Variants in BCAS3 observed in about 807,000 individuals in gnomAD.
BCAS3 encodes the protein BCAS4/BCAS3 fusion.
A neutral mutation model predicts 116.1 loss-of-function variants in BCAS3; 53 were observed. That is an observed-to-expected ratio of 0.46 (90% CI 0.37 to 0.57). The LOEUF is 0.57. Ranked by LOEUF, BCAS3 falls within the 20% of genes least tolerant of loss-of-function variation. The probability of loss-of-function intolerance (pLI) is 0.00; values close to 1 mark genes in which losing one functional copy is unlikely to be tolerated. For missense variants in BCAS3, 917 were observed against 1,165.4 expected, an observed-to-expected ratio of 0.79 and a Z score of 3.10; for synonymous variants, 391 against 408.2, an observed-to-expected ratio of 0.96 and a Z score of 0.51.
At chr17:60,876,369 TAC>T (rs2055606260) in intron 9 of BCAS3, among the ~76,000 whole-genome samples, 1 of 152,070 alleles carries the variant, frequency 6.6e-6, no homozygotes, top group Non-Finnish European at 1.5e-5. Context: ...TTTTCACTAA[TAC>T]CCCTTCTCTT....
intron 19 of BCAS3, chr17:61,069,852 A>G: frequency 3.4e-6 from 3 of 872,362 alleles, no homozygotes; most frequent in Non-Finnish European, 5.6e-6. Context: ...AAAAAAAAAA[A>G]AAAGACCCTT....
At chr17:61,280,413 C>T (rs1336422868) in intron 22 of BCAS3, among the ~76,000 whole-genome samples, 1 of 152,154 alleles carries the variant, frequency 6.6e-6, no homozygotes, top group Non-Finnish European at 1.5e-5. Context: ...CTGAGTCCAA[C>T]TTGGGGAGGT....
intron 22 of BCAS3, among the ~76,000 whole-genome samples, chr17:61,277,283 A>AAAGG: frequency 6.8e-6 from 1 of 147,306 alleles, no homozygotes; most frequent in Non-Finnish European, 1.5e-5. Flanking sequence ...AAAAAAAAAA[A>AAAGG]GGTGGTGATG....
intron 13 of BCAS3, among the ~76,000 whole-genome samples, chr17:60,932,742 CAAAAAAAAA>C (rs1167994825): frequency 1.3e-4 from 5 of 38,204 alleles, no homozygotes; most frequent in Admixed American, 3.7e-4. Flanking sequence ...ACTCTTGTCT[CAAAAAAAAA>C]AAAAAAAAAA....
At chr17:61,237,043 T>C (rs2083117145) in intron 22 of BCAS3, among the ~76,000 whole-genome samples, 1 of 152,218 alleles carries the variant, frequency 6.6e-6, no homozygotes, top group Non-Finnish European at 1.5e-5. Context: ...AAGTTATCTT[T>C]TTTACATAGC....
chr17:61,301,093 G>A (rs1464598830), intron 22 of BCAS3, among the ~76,000 whole-genome samples: 4 of 152,204 alleles, frequency 2.6e-5, no homozygotes, highest in African/African-American at 9.6e-5. Flanking sequence ...AAGTCAAAAT[G>A]TGTGTGCACC....
chr17:60,690,059 A>C lies in BCAS3; in HGVS notation c.214+298A>C, dbSNP rs549845739. On this transcript the variant is annotated intron_variant, in intron 4 of 23. Coordinates refer to ENST00000407086, the MANE Select transcript of BCAS3 (RefSeq NM_017679.5). ...AAAAAGGAGTTATTCAAGTTTGGTC[A>C]GTTATATAAGATTTATAACTGCAAA... is the stretch of plus-strand genomic sequence containing the variant. Among the ~76,000 whole-genome samples, 8 of 152,346 alleles carry C rather than the reference A, an allele frequency of 5.3e-5. No homozygotes were observed. In the South Asian group the frequency reaches 8.3e-4, roughly 16 times the overall value.
chr17:61,380,363 G>T lies in BCAS3; in HGVS notation c.2594-11614G>T. 1.4e-6 allele frequency: 1 copy of T among 707,028 alleles called. No homozygotes were observed. Among genetic ancestry groups the T allele is most frequent in the Non-Finnish European group, 2.5e-6 (1 of 406,722 alleles). The allele number at this position is 707,028 out of a possible 1,614,324, so 43.8% of individuals were successfully genotyped here. On this transcript the variant is annotated intron_variant, in intron 23 of 23. Transcript: ENST00000407086. The surrounding 1 kb of genome is among the most constrained non-coding windows in gnomAD (Gnocchi z 4.2). ...TAAAACCCTAGATGTGCTGTGCCTG[G>T]GAACAGACCATGAACACCCCCGCAA...
chr17:61,188,420 G>A lies in BCAS3; in HGVS notation c.2425+103856G>A, dbSNP rs1468363194. ...TTTTTCAACAAGAGAGTTCCCACTCGATTCCTAGTTTATATTCTGGTATGG... is the reference window on the plus strand; with the variant it reads ...TTTTTCAACAAGAGAGTTCCCACTCAATTCCTAGTTTATATTCTGGTATGG... On this transcript the variant is annotated intron_variant, in intron 22 of 23. Transcript: ENST00000407086. This position sits in a 1 kb window ranked among gnomAD's most constrained non-coding sequence, Gnocchi z 4.0. Among the ~76,000 whole-genome samples, 1 of 152,220 alleles carries A rather than the reference G, an allele frequency of 6.6e-6. No individual in the cohort carries two copies. Among genetic ancestry groups the A allele is most frequent in the African/African-American group, 2.4e-5 (1 of 41,468 alleles).
rs187217181 is a variant in BCAS3, at chr17:61,018,816, T to C, written c.1637+2915T>C. Among the ~76,000 whole-genome samples the C allele has an allele frequency of 2.6e-5, 4 of 152,318 alleles. No homozygotes were observed. The East Asian group carries it at 5.8e-4, about 22-fold the overall frequency. ...CTCTTATATAACTGTAGTACAGTTA[T>C]CAGAAGAAGAGACCTTGAACGTACT... On this transcript the variant is annotated intron_variant, in intron 16 of 23. Transcript: ENST00000407086.
intron 19 of BCAS3, chr17:61,069,987 G>T (rs1181106338): frequency 4.4e-6 from 7 of 1,587,908 alleles, no homozygotes; most frequent in Non-Finnish European, 6.0e-6. Context: ...AAAAGAAGAA[G>T]ATCCGCACGT....
rs73332706 is a variant in BCAS3, at chr17:61,376,390, C to T, written c.2593+7896C>T. 0.029 allele frequency among the ~76,000 whole-genome samples: 4,347 copies of T among 152,260 alleles called. 212 individuals carry two copies. The highest frequency in any genetic ancestry group is 0.099 in the African/African-American group (4,119 of 41,514). On this transcript the variant is annotated intron_variant, in intron 23 of 23. Coordinates refer to ENST00000407086, the MANE Select transcript of BCAS3 (RefSeq NM_017679.5). This position sits in a 1 kb window ranked among gnomAD's most constrained non-coding sequence, Gnocchi z 4.5. ...CCTGCTTCCCTACCACACACAACCA[C>T]CAAGCTGCTTTGATCTTTCCAGAGA...
rs1172955191 is a variant in BCAS3, at chr17:61,017,842, T to A, written c.1637+1941T>A. The stretch of plus-strand genomic sequence containing the variant: ...CTTACAACCCGATTTCTCTCTACAC[T>A]GAGATGAATAGAAACTGTTAGTCAT... On this transcript the variant is annotated intron_variant, in intron 16 of 23. Coordinates refer to ENST00000407086, the MANE Select transcript of BCAS3 (RefSeq NM_017679.5). This position sits in a 1 kb window ranked among gnomAD's most constrained non-coding sequence, Gnocchi z 4.7. 3.3e-5 allele frequency among the ~76,000 whole-genome samples: 5 copies of A among 152,112 alleles called. No homozygotes were observed. Among genetic ancestry groups the A allele is most frequent in the Non-Finnish European group, 7.4e-5 (5 of 68,006 alleles).
Position 61,134,498 on chromosome 17 carries a change from A to T in BCAS3, c.2425+49934A>T, listed in dbSNP as rs1301938873. Among the ~76,000 whole-genome samples the T allele has an allele frequency of 6.6e-6, 1 of 152,186 alleles. No individual in the cohort carries two copies. The highest frequency in any genetic ancestry group is 1.5e-5 in the Non-Finnish European group (1 of 68,028). The stretch of plus-strand genomic sequence containing the variant: ...CTCCCTGTGTGACTCTGGTCAGTTA[A>T]TCCATTTATAAAATGAGAGTATTGG... On this transcript the variant is annotated intron_variant, in intron 22 of 23. Coordinates refer to ENST00000407086, the MANE Select transcript of BCAS3 (RefSeq NM_017679.5). The surrounding 1 kb of genome is among the most constrained non-coding windows in gnomAD (Gnocchi z 4.6).
At chr17:60,907,060 A>G (rs2058226844) in intron 11 of BCAS3, among the ~76,000 whole-genome samples, 1 of 152,178 alleles carries the variant, frequency 6.6e-6, no homozygotes, top group Non-Finnish European at 1.5e-5. Flanking sequence ...TTGTGAGGAT[A>G]AATATATTCA....
intron 9 of BCAS3, among the ~76,000 whole-genome samples, chr17:60,884,535 T>A (rs2144968199): frequency 6.8e-6 from 1 of 147,930 alleles, no homozygotes; most frequent in African/African-American, 2.6e-5. Context: ...ATTGTGATGT[T>A]AGGGTGTCTA....
intron 14 of BCAS3, among the ~76,000 whole-genome samples, chr17:60,977,116 C>G (rs540310172): frequency 6.6e-6 from 1 of 152,042 alleles, no homozygotes; most frequent in Non-Finnish European, 1.5e-5. Context: ...GGCTGCCCCC[C>G]ACCTCCCGGA....
At chr17:60,914,576 G>T (rs976144297) in intron 12 of BCAS3, among the ~76,000 whole-genome samples, 1 of 152,124 alleles carries the variant, frequency 6.6e-6, no homozygotes, top group African/African-American at 2.4e-5. Flanking sequence ...ATAAAATATG[G>T]TTGACCATTG....
chr17:61,235,714 AGG>A lies in BCAS3; in HGVS notation c.2426-132612_2426-132611del, dbSNP rs907340272. 9.3e-5 allele frequency among the ~76,000 whole-genome samples: 14 copies of A among 150,598 alleles called. No homozygotes were observed. The highest frequency in any genetic ancestry group is 1.5e-4 in the Non-Finnish European group (10 of 67,616). ...TTTGAATTGTTTAAAAAAAAAAAAA[AGG>A]AGAAGAAGGAGAAAGAAAGACAAGG... On this transcript the variant is annotated intron_variant, in intron 22 of 23. Coordinates refer to ENST00000407086, the MANE Select transcript of BCAS3 (RefSeq NM_017679.5). The surrounding 1 kb of genome is among the most constrained non-coding windows in gnomAD (Gnocchi z 5.0).
Sources: allele counts gnomAD v4.1 joint callset (sites outside exome capture counted in the v4.1 genomes callset), GRCh38; gene constraint gnomAD v4.1.1; non-coding constraint Gnocchi (gnomAD v3.1); transcripts MANE v1.5; gene names NCBI Gene and HGNC (gene_info 2026-07-23, HGNC 2026-07-21).